The following DROSHA variants were observed in gnomAD, a reference collection of about 807,000 sequenced individuals.
The protein encoded by DROSHA is drosha ribonuclease III.
A neutral mutation model predicts 181.9 loss-of-function variants in DROSHA; 56 were observed. That is an observed-to-expected ratio of 0.31 (90% CI 0.25 to 0.38). The LOEUF (loss-of-function observed/expected upper bound fraction) is 0.38. DROSHA is among the 10% of genes least tolerant of loss of function. DROSHA has a pLI of 1.00. For missense variants in DROSHA, 1,218 were observed against 1,743.5 expected (o/e 0.70, Z 5.37); for synonymous variants, 524 against 591.2 (o/e 0.89, Z 1.65).
At chr5:31,469,042 C>T (rs558528436) in intron 17 of DROSHA, among the ~76,000 whole-genome samples, 1 of 152,296 alleles carries the variant, frequency 6.6e-6, no homozygotes, top group South Asian at 2.1e-4. Context: ...AGCCATCTGA[C>T]AAATATTCAA....
At chr5:31,403,712 A>T (rs112729443) in intron 35 of DROSHA, among the ~76,000 whole-genome samples, 60 of 152,314 alleles carry the variant, frequency 3.9e-4, no homozygotes, top group African/African-American at 1.4e-3. Flanking sequence ...ATTAGTTTGC[A>T]CACTATCCAG....
rs762765224 is a variant in DROSHA at position 31,422,901 on chromosome 5, G to A, written c.3305C>T (p.Pro1102Leu). 1.2e-6 allele frequency: 2 copies of A among 1,611,218 alleles called. No individual in the cohort carries two copies. The highest frequency in any genetic ancestry group is 1.1e-5 in the South Asian group (1 of 90,472). The part of the protein sequence containing the change: ...NTDRQLIETS[P>L]VLQKLTEFEE... ...AAACTCAGTAAGTTTTTGTAGAACT[G>A]GAGAAGTTTCAATAAGTTGTCGATC... The change falls in exon 29 of 36, where the codon CCA (proline) becomes CTA (leucine). Residue 1102 changes from proline (P) to leucine (L), a missense_variant. Physicochemically the swap from Pro to Leu is moderately conservative, Grantham distance 98 (BLOSUM62 -3). Coordinates refer to ENST00000344624, the MANE Select transcript of DROSHA (RefSeq NM_001382508.1).
chr5:31,444,830 C>T (rs1349917669), intron 23 of DROSHA, among the ~76,000 whole-genome samples: 2 of 152,192 alleles, frequency 1.3e-5, no homozygotes, highest in Admixed American at 6.5e-5. Context: ...GGCATATGAT[C>T]ATTTTCAAAC....
At chr5:31,423,384 C>G (rs1053158406) in intron 28 of DROSHA, 4 of 154,320 alleles carry the variant, frequency 2.6e-5, no homozygotes, top group African/African-American at 4.8e-5. Context: ...AATCCGTCTT[C>G]CTGACATGTT....
chr5:31,434,444 G>A (rs1744554230), intron 25 of DROSHA, among the ~76,000 whole-genome samples: 1 of 152,156 alleles, frequency 6.6e-6, no homozygotes, highest in African/African-American at 2.4e-5. Flanking sequence ...TTGTGAGCCT[G>A]CTAAAACCAA....
chr5:31,505,403 G>A (rs1737804639), intron 10 of DROSHA, among the ~76,000 whole-genome samples: 1 of 152,170 alleles, frequency 6.6e-6, no homozygotes, highest in South Asian at 2.1e-4. Flanking sequence ...AAAACAAAAT[G>A]GCTGCTCCAC....
chr5:31,490,565 TC>T (rs1424649851), intron 13 of DROSHA, among the ~76,000 whole-genome samples: 1 of 152,160 alleles, frequency 6.6e-6, no homozygotes, highest in Middle Eastern at 3.2e-3. Flanking sequence ...GGTAAAATTC[TC>T]CCAGAATGCT....
At position 31,435,965 on chromosome 5, in the gene DROSHA, TGGATA is replaced by T. The variant is rs1418075441; in HGVS notation, c.2943-106_2943-102del. ...GGGCTGGCACACAGTAGCTGTGCAATGGATATCAGGTGAATCAAACTAAAGGATCT... is the reference window on the plus strand; with the variant it reads ...GGGCTGGCACACAGTAGCTGTGCAATTCAGGTGAATCAAACTAAAGGATCT... On this transcript the variant is annotated intron_variant, in intron 24 of 35. Coordinates refer to ENST00000344624, the MANE Select transcript of DROSHA (RefSeq NM_001382508.1). 7.1e-6 allele frequency: 7 copies of T among 985,130 alleles called. No homozygotes were observed. The African/African-American group carries it at 9.7e-5, about 14-fold the overall frequency. 61.0% of individuals were successfully genotyped at this position (985,130 alleles called of 1,614,324 possible).
At chr5:31,518,868 C>G (rs149725508) in intron 6 of DROSHA, among the ~76,000 whole-genome samples, 2 of 152,210 alleles carry the variant, frequency 1.3e-5, no homozygotes, top group Non-Finnish European at 2.9e-5. Flanking sequence ...AAAAGACATC[C>G]TCACCCATCC....
At chr5:31,528,930 A>T in intron 4 of DROSHA, 110 bp downstream of exon 4, 15 of 1,164,684 alleles carry the variant, frequency 1.3e-5, no homozygotes, top group Non-Finnish European at 1.6e-5. Flanking sequence ...TGAGCACATT[A>T]TCCCCTCTCC....
intron 14 of DROSHA, among the ~76,000 whole-genome samples, chr5:31,486,129 C>T (rs764827986): frequency 9.9e-5 from 15 of 152,174 alleles, no homozygotes; most frequent in African/African-American, 3.4e-4. Flanking sequence ...TTGGAGATAA[C>T]GAATAAGATT....
At chr5:31,406,021 T>C (rs1032506421) in intron 34 of DROSHA, among the ~76,000 whole-genome samples, 4 of 152,100 alleles carry the variant, frequency 2.6e-5, no homozygotes, top group African/African-American at 4.8e-5. Flanking sequence ...AAGTATTTCA[T>C]ACTTAAGTTT....
chr5:31,451,495 C>G, intron 21 of DROSHA, 38 bp downstream of exon 21: 1 of 1,528,728 alleles, frequency 6.5e-7, no homozygotes, highest in Non-Finnish European at 9.0e-7. Flanking sequence ...TTACTCCTAT[C>G]TTGTTATTAT....
chr5:31,412,963 G>A (rs1387617428), intron 30 of DROSHA, among the ~76,000 whole-genome samples: 5 of 152,148 alleles, frequency 3.3e-5, no homozygotes, highest in East Asian at 3.9e-4. Context: ...GGTCCTCTCC[G>A]AATATATGCT....
chr5:31,526,159 C>T lies in DROSHA; in HGVS notation c.774G>A (p.Arg258=). The T allele has an allele frequency of 1.2e-6, 2 of 1,613,916 alleles. No homozygotes were observed. Among genetic ancestry groups the T allele is most frequent in the Non-Finnish European group, 1.7e-6 (2 of 1,179,852 alleles). The change falls in exon 5 of 36, where the codon AGG becomes AGA. Residue 258 remains arginine (R), a synonymous_variant. Coordinates refer to ENST00000344624, the MANE Select transcript of DROSHA (RefSeq NM_001382508.1). The part of the protein sequence containing the change: ...DRRERGRSPD[R]RRQDSRYRSD... ...ATCTGTACCGGCTGTCTTGTCTTCT[C>T]CTGTCGGGACTGCGGCCTCGCTCCC...
Position 31,526,199 on chromosome 5 carries a change from C to A in DROSHA, c.734G>T (p.Arg245Leu), listed in dbSNP as rs376389062. 1.5e-5 allele frequency: 24 copies of A among 1,613,662 alleles called. No individual in the cohort carries two copies. Among genetic ancestry groups the A allele is most frequent in the Non-Finnish European group, 1.7e-5 (20 of 1,179,872 alleles). ...DHSHGRGERH[R>L]SLDRRERGRS... ...GCCTCGCTCCCGCCGATCCAGGGACCGATGCCTCTCACCTCGCCCATGACT... is the reference window on the plus strand; with the variant it reads ...GCCTCGCTCCCGCCGATCCAGGGACAGATGCCTCTCACCTCGCCCATGACT... Residue 245 changes from arginine to leucine, a missense_variant, in exon 5 of 36, where the codon CGG (arginine) becomes CTG (leucine). Transcript: ENST00000344624.
At chr5:31,531,370 T>C (rs1741352814) in intron 2 of DROSHA, 80 bp downstream of exon 2, 1 of 152,236 alleles carries the variant, frequency 6.6e-6, no homozygotes, top group African/African-American at 2.4e-5. Flanking sequence ...ATACTAATCA[T>C]GAAATTGACC....
chr5:31,468,315 CT>C (rs1469560888), intron 17 of DROSHA, among the ~76,000 whole-genome samples: 7 of 152,190 alleles, frequency 4.6e-5, no homozygotes, highest in Non-Finnish European at 1.0e-4. Context: ...ACATAGAAAC[CT>C]TTAAAAATTA....
chr5:31,434,876 T>C lies in DROSHA; in HGVS notation c.3042+889A>G, dbSNP rs180996605. On this transcript the variant is annotated intron_variant, in intron 25 of 35. Transcript: ENST00000344624. The stretch of plus-strand genomic sequence containing the variant: ...AATGTAAGGATTTATCACAAGAACA[T>C]GGGTAGCATCAATAAAAACAGCCCC... Among the ~76,000 whole-genome samples, 19 of 152,318 alleles carry C rather than the reference T, an allele frequency of 1.2e-4. No individual in the cohort carries two copies. In the East Asian group the frequency reaches 3.7e-3, roughly 29 times the overall value.
Sources: allele counts gnomAD v4.1 joint callset (sites outside exome capture counted in the v4.1 genomes callset), GRCh38; gene constraint gnomAD v4.1.1; transcripts MANE v1.5; gene names NCBI Gene and HGNC (gene_info 2026-07-23, HGNC 2026-07-21).